MROH1: variants seen among roughly 807,000 people sequenced by gnomAD.
The protein encoded by MROH1 is maestro heat like repeat family member 1.
Under a neutral mutation model 116.5 loss-of-function variants are expected in MROH1, and 117 were observed. The observed-to-expected ratio is 1.00, with a 90% CI of 0.86 to 1.17. The LOEUF (loss-of-function observed/expected upper bound fraction) is 1.17, where lower values mean the gene tolerates loss of function less well. Ranked by LOEUF, MROH1 falls within the 50% of genes most tolerant of loss-of-function variation. MROH1 has a pLI of 0.00. For synonymous variants in MROH1, 921 were observed against 583.9 expected (o/e 1.58, Z -8.32); for missense variants, 1,873 against 1,338.5 (o/e 1.40, Z -6.23).
At chr8:144,161,403 G>A (rs1362122622) in intron 2 of MROH1, among the ~76,000 whole-genome samples, 1 of 152,176 alleles carries the variant, frequency 6.6e-6, no homozygotes, top group Non-Finnish European at 1.5e-5. Flanking sequence ...TTCTCTCTGG[G>A]CAGCGCTTTC....
chr8:144,200,124 C>T (rs1830773964), intron 11 of MROH1, among the ~76,000 whole-genome samples: 1 of 152,138 alleles, frequency 6.6e-6, no homozygotes, highest in African/African-American at 2.4e-5. Context: ...CTACTGATGG[C>T]CCTCTTGTGG....
intron 33 of MROH1, chr8:144,251,641 A>G (rs1839495258): frequency 6.7e-6 from 1 of 149,318 alleles, no homozygotes; most frequent in African/African-American, 2.6e-5. Context: ...GTTCCTGGGC[A>G]CAGCCGGCGT....
At chr8:144,234,941 G>A (rs1348396149) in intron 14 of MROH1, among the ~76,000 whole-genome samples, 39 of 128,234 alleles carry the variant, frequency 3.0e-4, no homozygotes, top group African/African-American at 1.1e-3. Flanking sequence ...TGCCCAGGCT[G>A]CAGTGCAATG....
chr8:144,247,768 G>C, intron 31 of MROH1, 89 bp downstream of exon 31: 1 of 700,464 alleles, frequency 1.4e-6, no homozygotes. Flanking sequence ...GCCTCCCCTA[G>C]CCTCTGGAAG....
intron 8 of MROH1, among the ~76,000 whole-genome samples, chr8:144,191,488 G>T (rs1828578343): frequency 6.6e-6 from 1 of 152,156 alleles, no homozygotes; most frequent in South Asian, 2.1e-4. Flanking sequence ...AGTGCTGCTG[G>T]CGGGGCACTG....
chr8:144,250,080 G>T (rs1842605887), intron 32 of MROH1, 132 bp from the exon 33 acceptor site: 2 of 674,596 alleles, frequency 3.0e-6, no homozygotes, highest in Admixed American at 4.1e-5. Flanking sequence ...CCCTACCTCA[G>T]GCTGGAACCA....
intron 12 of MROH1, among the ~76,000 whole-genome samples, chr8:144,207,344 T>C (rs973966458): frequency 1.1e-4 from 17 of 151,990 alleles, no homozygotes; most frequent in Admixed American, 1.3e-4. Context: ...CTCACCACCA[T>C]GCCCAGCTAA....
intron 10 of MROH1, among the ~76,000 whole-genome samples, chr8:144,198,616 CT>C (rs200506392): frequency 1.5e-4 from 22 of 151,718 alleles, no homozygotes; most frequent in African/African-American, 4.8e-4. Flanking sequence ...ACCAATAAGA[CT>C]TTTTTTTTCC....
chr8:144,154,752 C>A (rs987828729), intron 1 of MROH1, among the ~76,000 whole-genome samples: 4 of 151,652 alleles, frequency 2.6e-5, no homozygotes, highest in African/African-American at 9.7e-5. Flanking sequence ...ACTGCAACCT[C>A]CGCCTCCTGG....
At chr8:144,239,785 G>A in intron 18 of MROH1, 30 bp downstream of exon 18, 1 of 716,114 alleles carries the variant, frequency 1.4e-6, no homozygotes, top group South Asian at 1.5e-5. Flanking sequence ...GGGGTGCATA[G>A]CCCTGTGGGG....
chr8:144,148,274 G>A (rs1815893082), intron 1 of MROH1, among the ~76,000 whole-genome samples, 198 bp downstream of exon 1: 2 of 152,330 alleles, frequency 1.3e-5, no homozygotes, highest in South Asian at 4.1e-4. Flanking sequence ...TGTGCGCCGC[G>A]CCACAGCCCG....
intron 2 of MROH1, among the ~76,000 whole-genome samples, chr8:144,161,461 A>G (rs531388218): frequency 6.6e-6 from 1 of 151,514 alleles, no homozygotes; most frequent in African/African-American, 2.4e-5. Flanking sequence ...ATCGGCCGGC[A>G]CTCCCCGTTC....
At chr8:144,208,454 AT>A (rs1833351250) in intron 12 of MROH1, among the ~76,000 whole-genome samples, 1 of 144,816 alleles carries the variant, frequency 6.9e-6, no homozygotes, top group South Asian at 2.2e-4. Context: ...CTTCATGTGC[AT>A]TTTTCCTGTG....
At chr8:144,256,045 T>TG (rs1206743867) in intron 35 of MROH1, among the ~76,000 whole-genome samples, 2 of 152,136 alleles carry the variant, frequency 1.3e-5, no homozygotes, top group South Asian at 2.1e-4. Context: ...GTGGAGTCTT[T>TG]GGGGTATAGG....
In MROH1 at chr8:144,243,406, T is replaced by C. The variant is rs1396432959; in HGVS notation, c.2353-88T>C. 1.6e-5 allele frequency: 12 copies of C among 749,244 alleles called. No individual in the cohort carries two copies. In the East Asian group the frequency reaches 3.0e-4, roughly 18 times the overall value. 46.4% of individuals were successfully genotyped at this position (749,244 alleles called of 1,614,324 possible). On this transcript the variant is annotated intron_variant, in intron 24 of 43. Coordinates refer to ENST00000326134, the MANE Select transcript of MROH1 (RefSeq NM_032450.3). ...CTTTGAGAGCAGAGTGCAGCACTTC[T>C]GGTTTCAGAGGAAAGAAAAGGGGGT...
intron 28 of MROH1, among the ~76,000 whole-genome samples, 183 bp from the exon 29 acceptor site, chr8:144,244,971 CAG>C (rs1448772723): frequency 1.5e-4 from 23 of 152,314 alleles, no homozygotes; most frequent in African/African-American, 4.6e-4. Flanking sequence ...GACTGGAGGA[CAG>C]AGTGGCAGGG....
At chr8:144,173,083 G>A (rs746389812) in intron 4 of MROH1, among the ~76,000 whole-genome samples, 17 of 150,250 alleles carry the variant, frequency 1.1e-4, no homozygotes, top group Non-Finnish European at 2.4e-4. Context: ...AGGCAGGGCT[G>A]TGAAAGTTAT....
In MROH1 at chr8:144,241,618, C is replaced by T. The variant is rs900352284; in HGVS notation, c.2178+101C>T. ...CTGGAGTGGGGCAGGAAGCTGGTTG[C>T]GTCCCTGGACCAATTTTTGCTCCTG... is the stretch of plus-strand genomic sequence containing the variant. On this transcript the variant is annotated intron_variant, in intron 22 of 43. Coordinates refer to ENST00000326134, the MANE Select transcript of MROH1 (RefSeq NM_032450.3). 55 of 762,032 alleles carry T rather than the reference C, an allele frequency of 7.2e-5. 1 individual carries two copies. Among genetic ancestry groups the T allele is most frequent in the Non-Finnish European group, 1.0e-4 (41 of 409,300 alleles). 47.2% of individuals were successfully genotyped at this position (762,032 alleles called of 1,614,324 possible). A position where few individuals can be genotyped will look rare whatever the true frequency, so the allele number is the denominator to read the frequency against.
Position 144,201,862 on chromosome 8 carries a change from T to TA in MROH1, c.1141+1321_1141+1322insA, listed in dbSNP as rs199558346. Among the ~76,000 whole-genome samples, 266 of 149,984 alleles carry TA rather than the reference T, an allele frequency of 1.8e-3. 2 individuals are homozygous for TA. In the East Asian group the frequency reaches 0.035, roughly 20 times the overall value. ...ACCCCGTCTCTACTAAAAATATATATTAAAAAAAATTAGCCTGGCGTGGTG... is the reference window on the plus strand; with the variant it reads ...ACCCCGTCTCTACTAAAAATATATATATAAAAAAAATTAGCCTGGCGTGGTG... On this transcript the variant is annotated intron_variant, in intron 12 of 43. Transcript: ENST00000326134.
Sources: gnomAD v4.1 joint callset for allele counts (sites outside exome capture counted in the v4.1 genomes callset) on GRCh38, gnomAD v4.1.1 for gene constraint, MANE v1.5 for transcripts, NCBI Gene and HGNC (gene_info 2026-07-23, HGNC 2026-07-21) for gene names.